Variants in ZP2 observed in about 807,000 individuals in gnomAD.
ZP2 encodes zona pellucida sperm-binding protein 2.
ZP2 carries 51 observed loss-of-function variants against 84.0 expected under a neutral mutation model. That is an observed-to-expected ratio of 0.61 (90% CI 0.49 to 0.77). The LOEUF is 0.77. Among genes scored for constraint, ZP2 ranks in the 30% least tolerant of loss-of-function variants. The probability of loss-of-function intolerance (pLI) is 0.00; values close to 1 mark genes in which losing one functional copy is unlikely to be tolerated. For synonymous variants in ZP2, 375 were observed against 330.9 expected (o/e 1.13, Z -1.45); for missense variants, 909 against 911.9 (o/e 1.00, Z 0.04).
Position 21,211,509 on chromosome 16 carries a change from T to TG in ZP2, c.38dup (p.Gly14ArgfsTer44). ...ACCTCCAGCCTGCATTGAACCAGCCTGAGGGACTCCAAGAGCCTCCTCTCT... is the reference window on the plus strand; with the variant it reads ...ACCTCCAGCCTGCATTGAACCAGCCTGGAGGGACTCCAAGAGCCTCCTCTCT... On this transcript the variant is annotated frameshift_variant, in exon 1 of 19. Transcript: ENST00000574091. LOFTEE classifies it high-confidence loss of function. The TG allele has an allele frequency of 2.5e-6, 4 of 1,614,212 alleles. No homozygotes were observed. Among genetic ancestry groups the TG allele is most frequent in the Non-Finnish European group, 3.4e-6 (4 of 1,180,038 alleles).
At chr16:21,199,082 G>A (rs552183833) in intron 16 of ZP2, among the ~76,000 whole-genome samples, 2 of 152,206 alleles carry the variant, frequency 1.3e-5, no homozygotes, top group Admixed American at 6.5e-5. Flanking sequence ...TTGGGAGGCC[G>A]AGGTAGGTGG....
At position 21,204,229 on chromosome 16, in the gene ZP2, A is replaced by G. The variant is rs1309098856; in HGVS notation, c.791-18T>C. 1.9e-6 allele frequency: 3 copies of G among 1,614,128 alleles called. No homozygotes were observed. In the South Asian group the frequency reaches 3.3e-5, roughly 18 times the overall value. On this transcript the variant is annotated intron_variant, in intron 8 of 18. Transcript: ENST00000574091. ...CACAGGATCTAGAAGGAATGACAAC[A>G]GAATGCCCATTACCAGCCTTGATTA... is the stretch of plus-strand genomic sequence containing the variant.
At position 21,209,831 on chromosome 16, in the gene ZP2, C is replaced by T. The variant is rs181092301; in HGVS notation, c.236-106G>A. On this transcript the variant is annotated intron_variant, in intron 3 of 18. Coordinates refer to ENST00000574091, the MANE Select transcript of ZP2 (RefSeq NM_001376232.1). ...GTCCATTTCTAAGGTACTTCAGTCC[C>T]TTCACTTCCGCCCCAACTCAGTGAT... The T allele has an allele frequency of 8.2e-4, 814 of 997,950 alleles. 15 individuals carry two copies. The Admixed American group carries it at 0.015, about 19-fold the overall frequency. The allele number at this position is 997,950 out of a possible 1,614,324, so 61.8% of individuals were successfully genotyped here.
chr16:21,207,027 C>G (rs1567215771), intron 4 of ZP2, 37 bp from the exon 5 acceptor site: 1 of 1,611,464 alleles, frequency 6.2e-7, no homozygotes, highest in Admixed American at 1.7e-5. Flanking sequence ...AGAGTAAGTA[C>G]TGTACCCCCA....
At chr16:21,211,646 C>T, upstream of ZP2, 1 of 1,602,736 alleles carries the variant, frequency 6.2e-7, no homozygotes, top group Non-Finnish European at 8.5e-7. Context: ...CCATTGGGGG[C>T]ACCTGAATCT....
rs182026604 is a variant in ZP2, at chr16:21,201,914, A to G, written c.1379+18T>C. 4.7e-4 allele frequency: 759 copies of G among 1,612,998 alleles called. 4 individuals carry two copies. The African/African-American group carries it at 9.3e-3, about 20-fold the overall frequency. On this transcript the variant is annotated intron_variant, in intron 12 of 18. Coordinates refer to ENST00000574091, the MANE Select transcript of ZP2 (RefSeq NM_001376232.1). ...GTTTAAACTAGAGCTTAAGAGTCAAATAGCAATTTTATCTCACCTGAACTC... is the reference window on the plus strand; with the variant it reads ...GTTTAAACTAGAGCTTAAGAGTCAAGTAGCAATTTTATCTCACCTGAACTC...
At chr16:21,205,705 T>C (rs2093246613) in intron 6 of ZP2, 26 bp downstream of exon 6, 2 of 1,613,768 alleles carry the variant, frequency 1.2e-6, no homozygotes, top group Non-Finnish European at 8.5e-7. Context: ...GTTATTAAGG[T>C]CTGATTTTTA....
chr16:21,198,665 ATTC>A, intron 17 of ZP2, 111 bp downstream of exon 17: 2 of 810,846 alleles, frequency 2.5e-6, no homozygotes, highest in Non-Finnish European at 3.9e-6. Context: ...TTAGTCTTTT[ATTC>A]TTCTATTGTT....
In ZP2 at chr16:21,203,910, G is replaced by C. The variant is rs532605132; in HGVS notation, c.972+120C>G. ...GATCAAATGAGGCCTTTTGGAGTTT[G>C]AATCTGTTATGTTGGCAATTAGAGC... On this transcript the variant is annotated intron_variant, in intron 9 of 18. Transcript: ENST00000574091. 77 of 1,062,310 alleles carry C rather than the reference G, an allele frequency of 7.2e-5. 1 individual carries two copies. In the South Asian group the frequency reaches 9.6e-4, roughly 13 times the overall value. 65.8% of individuals were successfully genotyped at this position (1,062,310 alleles called of 1,614,324 possible).
At chr16:21,205,268 C>T (rs889927181) in intron 7 of ZP2, 152 bp downstream of exon 7, 41 of 884,696 alleles carry the variant, frequency 4.6e-5, no homozygotes, top group Non-Finnish European at 6.3e-5. Flanking sequence ...GCTGGGATTA[C>T]AGGTGTGAAT....
rs773701157 is a variant in ZP2 at position 21,201,723 on chromosome 16, A to C, written c.1487T>G (p.Ile496Ser). The C allele has an allele frequency of 1.9e-5, 30 of 1,614,006 alleles. No homozygotes were observed. The highest frequency in any genetic ancestry group is 3.3e-5 in the Admixed American group (2 of 60,006). ...TCTCTTACCTGGGTAGCTTTGCAGGATCAAGGTAAATGGACCCAACTTCAC... is the reference window on the plus strand; with the variant it reads ...TCTCTTACCTGGGTAGCTTTGCAGGCTCAAGGTAAATGGACCCAACTTCAC... ...ASVKLGPFTL[I>S]LQSYPDNSYQ... The change falls in exon 13 of 19, where the codon ATC becomes AGC. Residue 496 changes from isoleucine (I) to serine (S), a missense_variant. Coordinates refer to ENST00000574091, the MANE Select transcript of ZP2 (RefSeq NM_001376232.1).
chr16:21,198,351 C>A (rs1210403110), intron 17 of ZP2, among the ~76,000 whole-genome samples: 50 of 152,106 alleles, frequency 3.3e-4, no homozygotes, highest in Admixed American at 3.2e-3. Flanking sequence ...GCCAAGATCA[C>A]ACCATTGTAC....
At chr16:21,210,804 A>G (rs955747987) in intron 2 of ZP2, among the ~76,000 whole-genome samples, 1 of 151,254 alleles carries the variant, frequency 6.6e-6, no homozygotes, top group Admixed American at 6.6e-5. Context: ...CAAACTCCTG[A>G]GCTCAGGTGA....
chr16:21,197,569 CA>C lies in ZP2; in HGVS notation c.2148del (p.Val717TrpfsTer14). 1 of 1,614,222 alleles carries C rather than the reference CA, an allele frequency of 6.2e-7. No individual in the cohort carries two copies. On this transcript the variant is annotated frameshift_variant, in exon 19 of 19. Transcript: ENST00000574091. LOFTEE classifies it low-confidence loss of function (END_TRUNC). ...HKTAGDVGSK[A>X]VAAVAAFAGV... ...CCTGCAAAGGCAGCCACAGCAGCCA[CA>C]GCTTTGGAACCAACATCTCCAGCAG...
Position 21,204,087 on chromosome 16 carries a change from A to G in ZP2, c.915T>C (p.Asp305=), listed in dbSNP as rs2093238352. The change falls in exon 9 of 19, where the codon GAT becomes GAC. Residue 305 remains aspartate, a synonymous_variant. Coordinates refer to ENST00000574091, the MANE Select transcript of ZP2 (RefSeq NM_001376232.1). ...ATTTCATGCCATTTGTTGCTTCTAG[A>G]TCAATTCCATTGTCATGCAGCTGGC... is the stretch of plus-strand genomic sequence containing the variant. ...DVSQLHDNGI[D]LEATNGMKLH... 1 of 1,614,136 alleles carries G rather than the reference A, an allele frequency of 6.2e-7. No individual in the cohort carries two copies. The highest frequency in any genetic ancestry group is 8.5e-7 in the Non-Finnish European group (1 of 1,180,034).
rs188803389 is a variant in ZP2, at chr16:21,211,384, G to C, written c.74C>G (p.Ser25Trp). The C allele has an allele frequency of 4.6e-5, 74 of 1,614,072 alleles. No homozygotes were observed. The African/African-American group carries it at 8.8e-4, about 19-fold the overall frequency. Residue 25 changes from serine (S) to tryptophan (W), a missense_variant, in exon 2 of 19, where the codon TCG becomes TGG. Coordinates refer to ENST00000574091, the MANE Select transcript of ZP2 (RefSeq NM_001376232.1). ...WFNAGWSTYRSISLFFALVTS... is the reference protein window; with the variant it reads ...WFNAGWSTYRWISLFFALVTS... Reference sequence around the variant, plus strand: ...CACAAGGGCGAAGAAGAGAGAAATCGACCTGTAGGTGCTGGAAAGAGACAG... The same window carrying C: ...CACAAGGGCGAAGAAGAGAGAAATCCACCTGTAGGTGCTGGAAAGAGACAG...
intron 9 of ZP2, 131 bp from the exon 10 acceptor site, chr16:21,203,382 A>G: frequency 8.4e-7 from 1 of 1,194,648 alleles, no homozygotes; most frequent in East Asian, 2.4e-5. Flanking sequence ...CTTTAAACCA[A>G]AACAAGAGAG....
upstream of ZP2, chr16:21,214,313 G>A: frequency 1.0e-6 from 1 of 984,682 alleles, no homozygotes; most frequent in Non-Finnish European, 1.2e-6. Context: ...TTCTGCTCCG[G>A]AAAAGCAGGA....
Position 21,199,052 on chromosome 16 carries a change from T to C in ZP2, c.1928-190A>G, listed in dbSNP as rs113404865. ...TCTTGGGGTTGGGTGTGGTGGCTCA[T>C]GCCTATAATCCCAGCACTTTTGGGA... On this transcript the variant is annotated intron_variant, in intron 16 of 18. Coordinates refer to ENST00000574091, the MANE Select transcript of ZP2 (RefSeq NM_001376232.1). 4.0e-3 allele frequency among the ~76,000 whole-genome samples: 613 copies of C among 152,264 alleles called. 10 individuals carry two copies. The highest frequency in any genetic ancestry group is 0.02 in the South Asian group (98 of 4,820).
Sources: gnomAD v4.1 joint callset for allele counts (sites outside exome capture counted in the v4.1 genomes callset) on GRCh38, gnomAD v4.1.1 for gene constraint, MANE v1.5 for transcripts, NCBI Gene and HGNC (gene_info 2026-07-23, HGNC 2026-07-21) for gene names.